Variants in SMAD3 observed in about 807,000 individuals in gnomAD.
The protein encoded by SMAD3 is SMAD family member 3, also known as MAD homolog 3.
In SMAD3, 12 loss-of-function variants were observed where a neutral mutation model predicts 51.8. That is an observed-to-expected ratio of 0.23 (90% CI 0.15 to 0.38). The LOEUF (loss-of-function observed/expected upper bound fraction) is 0.38, where lower values mean the gene tolerates loss of function less well. Ranked by LOEUF, SMAD3 falls within the 10% of genes least tolerant of loss-of-function variation. SMAD3 has a pLI of 1.00. For synonymous variants in SMAD3, 238 were observed against 227.7 expected (o/e 1.05, Z -0.41); for missense variants, 294 against 565.6 (o/e 0.52, Z 4.87).
intron 1 of SMAD3, among the ~76,000 whole-genome samples, chr15:67,068,304 C>T (rs758461826): frequency 3.3e-5 from 5 of 152,252 alleles, no homozygotes; most frequent in Admixed American, 6.5e-5. Flanking sequence ...ATCCTGAATA[C>T]ATTCTTTGCT....
At chr15:67,180,236 G>A (rs1963015700) in intron 5 of SMAD3, among the ~76,000 whole-genome samples, 1 of 152,066 alleles carries the variant, frequency 6.6e-6, no homozygotes, top group Admixed American at 6.5e-5. Flanking sequence ...TGGGAATTCC[G>A]AGGGCCCGGC....
chr15:67,166,692 G>A (rs945835530), intron 3 of SMAD3, 87 bp from the exon 4 acceptor site: 1 of 828,800 alleles, frequency 1.2e-6, no homozygotes, highest in African/African-American at 1.7e-5. Flanking sequence ...TAGCATCATG[G>A]TGTGCATGTG....
chr15:67,134,681 T>C (rs2140256549), intron 1 of SMAD3, among the ~76,000 whole-genome samples: 1 of 152,322 alleles, frequency 6.6e-6, no homozygotes, highest in South Asian at 2.1e-4. Context: ...GTTGGGAAAT[T>C]ACTAAAGGCG....
At chr15:67,165,705 G>C (rs1373781773) in intron 3 of SMAD3, among the ~76,000 whole-genome samples, 2 of 152,250 alleles carry the variant, frequency 1.3e-5, no homozygotes, top group African/African-American at 4.8e-5. Context: ...GGCCCGGACT[G>C]GTGTTCAGTC....
chr15:67,100,801 A>G (rs1481455117), intron 1 of SMAD3, among the ~76,000 whole-genome samples: 1 of 152,228 alleles, frequency 6.6e-6, no homozygotes, highest in Non-Finnish European at 1.5e-5. Flanking sequence ...CTCTACCTTT[A>G]TGAGGAACCA....
At chr15:67,109,789 G>A (rs895081136) in intron 1 of SMAD3, among the ~76,000 whole-genome samples, 2 of 152,156 alleles carry the variant, frequency 1.3e-5, no homozygotes, top group Non-Finnish European at 2.9e-5. Context: ...CTTACGCTCC[G>A]CCGGCCTCTC....
intron 6 of SMAD3, among the ~76,000 whole-genome samples, chr15:67,182,995 AAAAAAATATATAT>A (rs1333303267): frequency 1.7e-5 from 1 of 57,438 alleles, no homozygotes; most frequent in East Asian, 5.4e-4. Flanking sequence ...TTAAAAAAAA[AAAAAAATATATAT>A]ATATATATAT....
In SMAD3 at chr15:67,098,925, C is replaced by T. The variant is rs1047353039; in HGVS notation, c.206+32565C>T. 1.7e-5 allele frequency: 12 copies of T among 702,282 alleles called. No individual in the cohort carries two copies. In the African/African-American group the frequency reaches 2.1e-4, roughly 12 times the overall value. The allele number at this position is 702,282 out of a possible 1,614,324, so 43.5% of individuals were successfully genotyped here. On this transcript the variant is annotated intron_variant, in intron 1 of 8. Transcript: ENST00000327367. Reference sequence around the variant, plus strand: ...GGGGCCAGTGTGGAGGAGGGTCAGGCAGCCCATGGAGATGGGACAGTGTTC... The same window carrying T: ...GGGGCCAGTGTGGAGGAGGGTCAGGTAGCCCATGGAGATGGGACAGTGTTC...
intron 1 of SMAD3, among the ~76,000 whole-genome samples, chr15:67,129,041 A>G (rs1961459239): frequency 6.6e-6 from 1 of 152,156 alleles, no homozygotes; most frequent in Non-Finnish European, 1.5e-5. Context: ...AGTCCCAGGT[A>G]GAGTTGGAAT....
At chr15:67,092,762 C>G (rs1960534404) in intron 1 of SMAD3, among the ~76,000 whole-genome samples, 1 of 152,184 alleles carries the variant, frequency 6.6e-6, no homozygotes, top group Non-Finnish European at 1.5e-5. Context: ...TGCTCTTAAC[C>G]TCTTAATGGG....
At chr15:67,122,104 C>T (rs1205016556) in intron 1 of SMAD3, among the ~76,000 whole-genome samples, 2 of 152,216 alleles carry the variant, frequency 1.3e-5, no homozygotes, top group Non-Finnish European at 2.9e-5. Flanking sequence ...TATTGGGTAG[C>T]ACTGGTCTAA....
In SMAD3 at chr15:67,193,443, C is replaced by T; in HGVS notation, c.*2907C>T. 1 of 233,960 alleles carries T rather than the reference C, an allele frequency of 4.3e-6. No individual in the cohort carries two copies. The highest frequency in any genetic ancestry group is 8.5e-6 in the Non-Finnish European group (1 of 118,100). 14.5% of individuals were successfully genotyped at this position (233,960 alleles called of 1,614,324 possible). On this transcript the variant is annotated 3_prime_UTR_variant, in exon 9 of 9. Coordinates refer to ENST00000327367, the MANE Select transcript of SMAD3 (RefSeq NM_005902.4). ...TTCCCTTTCCTCTCTCCCCTCCCCA[C>T]CTCGCTTCTTCCCAATTTAGTAACT...
chr15:67,140,116 C>CT (rs1456878617), intron 1 of SMAD3, among the ~76,000 whole-genome samples: 1 of 124,320 alleles, frequency 8.0e-6, no homozygotes, highest in Non-Finnish European at 1.7e-5. Context: ...GAGTGAAACT[C>CT]TGTCTCAAAA....
intron 1 of SMAD3, among the ~76,000 whole-genome samples, chr15:67,160,368 T>G (rs1312759137): frequency 6.6e-6 from 1 of 152,232 alleles, no homozygotes; most frequent in Non-Finnish European, 1.5e-5. Flanking sequence ...CATTGTAGTT[T>G]TAATTTGTGC....
chr15:67,094,072 T>C (rs1188876710), intron 1 of SMAD3, among the ~76,000 whole-genome samples: 1 of 152,232 alleles, frequency 6.6e-6, no homozygotes, highest in Admixed American at 6.5e-5. Context: ...CTTCCAGTGT[T>C]CCAGGCCCTT....
intron 1 of SMAD3, among the ~76,000 whole-genome samples, chr15:67,161,729 T>G (rs1962436138): frequency 6.6e-6 from 1 of 152,164 alleles, no homozygotes; most frequent in Admixed American, 6.5e-5. Flanking sequence ...TGATAGAGAA[T>G]AATAACGCTA....
rs138669942 is a variant in SMAD3, at chr15:67,078,735, CA to C, written c.206+12376del. ...GAAACCTCTTAACTGAAGGCAAGAC[CA>C]GGGGCAGCCTATTGCTGCGGAGTGC... is the stretch of plus-strand genomic sequence containing the variant. On this transcript the variant is annotated intron_variant, in intron 1 of 8. Transcript: ENST00000327367. 6.0e-3 allele frequency among the ~76,000 whole-genome samples: 912 copies of C among 152,258 alleles called. 20 individuals carry two copies. Among genetic ancestry groups the C allele is most frequent in the East Asian group, 0.04 (206 of 5,172 alleles).
chr15:67,147,285 G>C (rs559092387), intron 1 of SMAD3, among the ~76,000 whole-genome samples: 14 of 152,192 alleles, frequency 9.2e-5, no homozygotes, highest in Admixed American at 8.5e-4. Context: ...TGTGTGCAGG[G>C]TGGGAAATGC....
chr15:67,170,783 T>A (rs1275393497), intron 5 of SMAD3, 179 bp downstream of exon 5: 3 of 596,794 alleles, frequency 5.0e-6, no homozygotes, highest in Non-Finnish European at 3.0e-6. Context: ...TGGGGAAACT[T>A]GAGAACAGTG....
Sources: allele counts gnomAD v4.1 joint callset (sites outside exome capture counted in the v4.1 genomes callset), GRCh38; gene constraint gnomAD v4.1.1; transcripts MANE v1.5; gene names NCBI Gene and HGNC (gene_info 2026-07-23, HGNC 2026-07-21).